The following RFC3 variants were observed in gnomAD, a reference collection of about 807,000 sequenced individuals.
RFC3 encodes the protein replication factor C subunit 3.
In RFC3, 41 loss-of-function variants were observed where a neutral mutation model predicts 45.1. The ratio of observed to expected loss-of-function variants is 0.91; its 90% CI spans 0.71 to 1.18. The LOEUF (loss-of-function observed/expected upper bound fraction) is 1.18, where lower values mean the gene tolerates loss of function less well. Ranked by LOEUF, RFC3 falls within the 50% of genes most tolerant of loss-of-function variation. The pLI is 0.00. For synonymous variants in RFC3, 149 were observed against 144.0 expected (o/e 1.03, Z -0.25); for missense variants, 423 against 428.1 (o/e 0.99, Z 0.10).
At chr13:33,882,812 C>A (rs1465604747) in intron 8 of RFC3, among the ~76,000 whole-genome samples, 1 of 152,332 alleles carries the variant, frequency 6.6e-6, no homozygotes, top group East Asian at 1.9e-4. Flanking sequence ...GACCACTAAT[C>A]TCTCATCATT....
Position 33,836,424 on chromosome 13 carries a change from CTG to C in RFC3, c.*132_*133del, listed in dbSNP as rs1290563975. The C allele has an allele frequency of 2.7e-6, 4 of 1,477,230 alleles. No individual in the cohort carries two copies. The highest frequency in any genetic ancestry group is 1.4e-5 in the African/African-American group (1 of 70,918). 91.5% of individuals were successfully genotyped at this position (1,477,230 alleles called of 1,614,324 possible). A position where few individuals can be genotyped will look rare whatever the true frequency, so the allele number is the denominator to read the frequency against. ...TTGCGTTTTTTTGGTAATAACTTCT[CTG>C]TGAACTATTAATCATCCTCTGAGTT... On this transcript the variant is annotated 3_prime_UTR_variant, in exon 9 of 9. Coordinates refer to ENST00000380071, the MANE Select transcript of RFC3 (RefSeq NM_002915.4).
At chr13:33,855,343 G>A (rs901280740) in intron 8 of RFC3, among the ~76,000 whole-genome samples, 2 of 152,134 alleles carry the variant, frequency 1.3e-5, no homozygotes, top group Non-Finnish European at 2.9e-5. Context: ...TAAAGAAATG[G>A]TGTCTATGTG....
intron 8 of RFC3, among the ~76,000 whole-genome samples, chr13:33,959,397 A>T (rs951168472): frequency 1.3e-5 from 2 of 152,140 alleles, no homozygotes; most frequent in Non-Finnish European, 1.5e-5. Flanking sequence ...GGCCCCTGTG[A>T]CCTAGACACA....
At chr13:33,848,543 T>A (rs1593635036) in intron 8 of RFC3, 1 of 152,160 alleles carries the variant, frequency 6.6e-6, no homozygotes, top group Non-Finnish European at 1.5e-5. Context: ...TGTGTCAGGG[T>A]ACTACTTTTC....
intron 8 of RFC3, among the ~76,000 whole-genome samples, chr13:33,872,719 G>A (rs898236750): frequency 2.0e-5 from 3 of 149,968 alleles, no homozygotes; most frequent in Non-Finnish European, 4.4e-5. Flanking sequence ...GGCAACAAGA[G>A]TGAAACTACC....
At chr13:33,902,105 T>A (rs1361718214) in intron 8 of RFC3, among the ~76,000 whole-genome samples, 5 of 151,966 alleles carry the variant, frequency 3.3e-5, no homozygotes, top group Non-Finnish European at 4.4e-5. Flanking sequence ...GTTAAAAAAA[T>A]GGTGAATATA....
intron 8 of RFC3, among the ~76,000 whole-genome samples, chr13:33,961,788 C>T (rs531872315): frequency 6.6e-6 from 1 of 152,250 alleles, no homozygotes; most frequent in South Asian, 2.1e-4. Flanking sequence ...AACATAGAGA[C>T]CAGAGATTGG....
intron 8 of RFC3, among the ~76,000 whole-genome samples, chr13:33,924,410 T>C (rs2082789060): frequency 6.6e-6 from 1 of 151,964 alleles, no homozygotes; most frequent in South Asian, 2.1e-4. Flanking sequence ...TGTTTGTAAA[T>C]TGAGCTTTAC....
chr13:33,829,721 A>T, intron 4 of RFC3, 115 bp from the exon 5 acceptor site: 2 of 777,640 alleles, frequency 2.6e-6, no homozygotes, highest in Non-Finnish European at 4.5e-6. Context: ...TGGGAAGAGT[A>T]GTATATCAGG....
chr13:33,891,336 A>G (rs974203321), intron 8 of RFC3, among the ~76,000 whole-genome samples: 7 of 152,164 alleles, frequency 4.6e-5, no homozygotes, highest in Non-Finnish European at 1.0e-4. Context: ...GGTTCCCTAA[A>G]GGTTTTATCT....
chr13:33,881,041 G>A (rs1397158345), intron 8 of RFC3, among the ~76,000 whole-genome samples: 1 of 152,054 alleles, frequency 6.6e-6, no homozygotes, highest in African/African-American at 2.4e-5. Context: ...AGGTGACAGA[G>A]CAAGACTCAG....
chr13:33,924,385 C>T (rs2082788807), intron 8 of RFC3, among the ~76,000 whole-genome samples: 2 of 151,920 alleles, frequency 1.3e-5, no homozygotes, highest in African/African-American at 4.8e-5. Context: ...CAGGTCAAAT[C>T]CTACCTGCTG....
chr13:33,883,297 G>T (rs1050135664), intron 8 of RFC3, among the ~76,000 whole-genome samples: 9 of 152,174 alleles, frequency 5.9e-5, no homozygotes, highest in Admixed American at 5.2e-4. Flanking sequence ...GAAAATGAAA[G>T]AAACTTGAAA....
Position 33,825,399 on chromosome 13 carries a change from T to A in RFC3, c.294-390T>A, listed in dbSNP as rs568917987. Among the ~76,000 whole-genome samples, 5 of 152,290 alleles carry A rather than the reference T, an allele frequency of 3.3e-5. 1 individual carries two copies. The highest frequency in any genetic ancestry group is 5.9e-5 in the Non-Finnish European group (4 of 67,988). On this transcript the variant is annotated intron_variant, in intron 3 of 8. Transcript: ENST00000380071. Reference sequence around the variant, plus strand: ...GGGGATGTGGAAGAGGACTAGGGATTGAATTTCTGTTTCAAAGAGTTACGT... The same window carrying A: ...GGGGATGTGGAAGAGGACTAGGGATAGAATTTCTGTTTCAAAGAGTTACGT...
At chr13:33,958,425 A>T (rs2083035483) in intron 8 of RFC3, among the ~76,000 whole-genome samples, 1 of 152,212 alleles carries the variant, frequency 6.6e-6, no homozygotes, top group African/African-American at 2.4e-5. Flanking sequence ...TCCTGTTCTT[A>T]TAATCAAGTG....
chr13:33,899,823 C>A (rs139956839), intron 8 of RFC3, among the ~76,000 whole-genome samples: 2 of 151,876 alleles, frequency 1.3e-5, no homozygotes, highest in African/African-American at 4.8e-5. Context: ...TAAATAAATT[C>A]AGTAAAGTTG....
At chr13:33,898,876 C>CTGTA (rs1478113065) in intron 8 of RFC3, among the ~76,000 whole-genome samples, 1 of 151,706 alleles carries the variant, frequency 6.6e-6, no homozygotes, top group African/African-American at 2.4e-5. Context: ...TTATGAGCAA[C>CTGTA]TGTAGGCCAA....
chr13:33,951,579 A>G (rs1465991267), intron 8 of RFC3, among the ~76,000 whole-genome samples: 3 of 151,910 alleles, frequency 2.0e-5, no homozygotes, highest in Non-Finnish European at 4.4e-5. Context: ...TTTTTCTCAC[A>G]TTTCTTAGAA....
chr13:33,842,755 A>G (rs1352668700), intron 8 of RFC3, among the ~76,000 whole-genome samples: 1 of 152,160 alleles, frequency 6.6e-6, no homozygotes, highest in East Asian at 1.9e-4. Flanking sequence ...TATTTTGTCC[A>G]GTTTTTTAGT....
Sources: allele counts gnomAD v4.1 joint callset (sites outside exome capture counted in the v4.1 genomes callset), GRCh38; gene constraint gnomAD v4.1.1; transcripts MANE v1.5; gene names NCBI Gene and HGNC (gene_info 2026-07-23, HGNC 2026-07-21).